The following CCDC141 variants were observed in gnomAD, a reference collection of about 807,000 sequenced individuals.
The protein encoded by CCDC141 is coiled-coil domain-containing protein 141.
A neutral mutation model predicts 181.0 loss-of-function variants in CCDC141; 168 were observed. That is an observed-to-expected ratio of 0.93 (90% CI 0.82 to 1.05). The LOEUF (loss-of-function observed/expected upper bound fraction) is 1.05. CCDC141 is among the 50% of genes least tolerant of loss of function. CCDC141 has a pLI of 0.00. For missense variants in CCDC141, 1,902 were observed against 1,788.5 expected, an observed-to-expected ratio of 1.06 and a Z score of -1.14; for synonymous variants, 666 against 642.3, an observed-to-expected ratio of 1.04 and a Z score of -0.56.
At chr2:179,027,199 C>T (rs558476342) in intron 2 of CCDC141, among the ~76,000 whole-genome samples, 1 of 151,996 alleles carries the variant, frequency 6.6e-6, no homozygotes, top group Non-Finnish European at 1.5e-5. Flanking sequence ...TTGCTGTGTC[C>T]CCACCCAAAT....
chr2:178,883,626 C>T (rs1311279755), intron 11 of CCDC141, among the ~76,000 whole-genome samples: 1 of 152,046 alleles, frequency 6.6e-6, no homozygotes, highest in African/African-American at 2.4e-5. Context: ...TGGAAAAAAT[C>T]AAGCACATAC....
Position 178,871,514 on chromosome 2 carries a change from C to T in CCDC141, c.2118G>A (p.Met706Ile). The part of the protein sequence containing the change: ...HNLKLLQEAL[M>I]PVSALDLGGS... The stretch of plus-strand genomic sequence containing the variant: ...CTCCGAGGTCAAGTGCAGACACAGG[C>T]ATAAGTGCTTCCTGAAGAAGTTTTA... Residue 706 changes from methionine (M) to isoleucine (I), a missense_variant, in exon 14 of 24, where the codon ATG becomes ATA. Coordinates refer to ENST00000443758, the MANE Select transcript of CCDC141 (RefSeq NM_173648.4). 6.2e-7 allele frequency: 1 copy of T among 1,613,906 alleles called. No individual in the cohort carries two copies. Among genetic ancestry groups the T allele is most frequent in the South Asian group, 1.1e-5 (1 of 91,034 alleles).
chr2:179,038,674 T>C (rs960384808), intron 2 of CCDC141, among the ~76,000 whole-genome samples: 1 of 152,192 alleles, frequency 6.6e-6, no homozygotes, highest in Non-Finnish European at 1.5e-5. Flanking sequence ...TACATTCATT[T>C]CTAGCACAGA....
At chr2:178,887,331 C>T (rs528019575) in intron 9 of CCDC141, among the ~76,000 whole-genome samples, 33 of 152,228 alleles carry the variant, frequency 2.2e-4, no homozygotes, top group East Asian at 7.7e-4. Context: ...AAACCCTGGA[C>T]GTGTTATAGT....
intron 8 of CCDC141, among the ~76,000 whole-genome samples, chr2:178,894,568 GA>G (rs1361735891): frequency 6.6e-6 from 1 of 151,024 alleles, no homozygotes; most frequent in Non-Finnish European, 1.5e-5. Context: ...CAAAAAGTCA[GA>G]AATAAAACAA....
At chr2:179,016,411 G>A (rs1021498048) in intron 2 of CCDC141, among the ~76,000 whole-genome samples, 1 of 151,990 alleles carries the variant, frequency 6.6e-6, no homozygotes, top group African/African-American at 2.4e-5. Context: ...TATATTTAGA[G>A]GCAAGATGAG....
At chr2:178,977,253 C>G (rs1425506150) in intron 3 of CCDC141, among the ~76,000 whole-genome samples, 2 of 152,108 alleles carry the variant, frequency 1.3e-5, no homozygotes, top group South Asian at 2.1e-4. Flanking sequence ...ATTTACTCAT[C>G]ATGGAGAAAA....
chr2:179,030,987 T>C (rs2154386869), intron 2 of CCDC141, among the ~76,000 whole-genome samples: 1 of 152,246 alleles, frequency 6.6e-6, no homozygotes, highest in East Asian at 1.9e-4. Context: ...GTCTTCTTTA[T>C]TCTCTAAATC....
intron 2 of CCDC141, among the ~76,000 whole-genome samples, chr2:179,027,798 A>G (rs2042895487): frequency 6.6e-6 from 1 of 151,880 alleles, no homozygotes. Context: ...CAGTAAGTCC[A>G]TTAAACCTCT....
chr2:178,863,907 T>C (rs566998586), intron 17 of CCDC141, among the ~76,000 whole-genome samples: 2 of 152,286 alleles, frequency 1.3e-5, no homozygotes, highest in African/African-American at 4.8e-5. Flanking sequence ...GTACAGACAA[T>C]CCTGGGGCGT....
In CCDC141 at chr2:178,845,742, G is replaced by A. The variant is rs1332359909; in HGVS notation, c.3358C>T (p.Gln1120Ter). Reference sequence around the variant, plus strand: ...GGATTCATCTTTAAAACATCTCCCTGCTGTACAAAGCAACAGTTAGTGAGA... The same window carrying A: ...GGATTCATCTTTAAAACATCTCCCTACTGTACAAAGCAACAGTTAGTGAGA... ...SLTELEEKLKQGDVLKMNPNL... is the reference protein window; with the variant it reads ...SLTELEEKLK Residue 1120 changes from glutamine (Q) to a stop codon, truncating the protein, a stop_gained and splice_region_variant, in exon 22 of 24, where the codon CAG becomes TAG. Transcript: ENST00000443758. LOFTEE classifies it high-confidence loss of function. 6.4e-7 allele frequency: 1 copy of A among 1,557,708 alleles called. No individual in the cohort carries two copies. Among genetic ancestry groups the A allele is most frequent in the Admixed American group, 1.7e-5 (1 of 59,912 alleles).
At chr2:178,922,569 G>T (rs1187752018) in intron 6 of CCDC141, among the ~76,000 whole-genome samples, 4 of 152,140 alleles carry the variant, frequency 2.6e-5, no homozygotes, top group Non-Finnish European at 5.9e-5. Context: ...AAATCAGAAG[G>T]CTCGCTATTT....
At position 178,896,432 on chromosome 2, in the gene CCDC141, G is replaced by C. The variant is rs144416583; in HGVS notation, c.1266-7764C>G. On this transcript the variant is annotated intron_variant, in intron 8 of 23. Transcript: ENST00000443758. ...TTTGGGGTCAGTTTTATATGGCTTT[G>C]ATTGTCCCTGAGGCCTGGTGCTGGT... Among the ~76,000 whole-genome samples, 194 of 152,232 alleles carry C rather than the reference G, an allele frequency of 1.3e-3. 2 individuals carry two copies. The highest frequency in any genetic ancestry group is 4.4e-3 in the African/African-American group (183 of 41,530).
chr2:178,933,058 T>C (rs1271917716), intron 6 of CCDC141, among the ~76,000 whole-genome samples: 1 of 152,166 alleles, frequency 6.6e-6, no homozygotes, highest in Non-Finnish European at 1.5e-5. Context: ...ATGAAATCAC[T>C]CAGTAACAAC....
intron 6 of CCDC141, among the ~76,000 whole-genome samples, chr2:178,942,180 TCC>T (rs1689551905): frequency 6.6e-6 from 1 of 152,024 alleles, no homozygotes; most frequent in African/African-American, 2.4e-5. Context: ...GTCTGGAACC[TCC>T]CAGGCTCAAA....
In CCDC141 at chr2:178,978,583, G is replaced by T. The variant is rs1183612820; in HGVS notation, c.318C>A (p.Ala106=). 2 of 1,549,784 alleles carry T rather than the reference G, an allele frequency of 1.3e-6. No homozygotes were observed. Among genetic ancestry groups the T allele is most frequent in the Admixed American group, 2.0e-5 (1 of 50,940 alleles). Residue 106 remains alanine, a synonymous_variant, in exon 3 of 24, where the codon GCC becomes GCA. Transcript: ENST00000443758. ...CTGCCCATGCTTCACCCAGAGTCTCGGCCATGGCATCATAGACCTGACTCT... is the reference window on the plus strand; with the variant it reads ...CTGCCCATGCTTCACCCAGAGTCTCTGCCATGGCATCATAGACCTGACTCT... ...KDQSQVYDAM[A]ETLGEAWAAL...
chr2:178,986,839 C>G (rs868257945), intron 2 of CCDC141, among the ~76,000 whole-genome samples: 2 of 150,874 alleles, frequency 1.3e-5, no homozygotes, highest in Admixed American at 6.6e-5. Context: ...AATGGAAGAA[C>G]ATTCCATGCT....
intron 21 of CCDC141, among the ~76,000 whole-genome samples, chr2:178,846,439 A>C (rs540014193): frequency 2.3e-4 from 35 of 152,346 alleles, no homozygotes; most frequent in Admixed American, 1.0e-3. Context: ...GCAATGGAAG[A>C]GTCTCTATTC....
intron 1 of CCDC141, among the ~76,000 whole-genome samples, chr2:179,048,452 A>G (rs1035504541): frequency 3.5e-4 from 53 of 152,276 alleles, no homozygotes; most frequent in Admixed American, 3.1e-3. Context: ...TGTAATTTCC[A>G]GTGTAATTTT....
Sources: allele counts gnomAD v4.1 joint callset (sites outside exome capture counted in the v4.1 genomes callset), GRCh38; gene constraint gnomAD v4.1.1; transcripts MANE v1.5; gene names NCBI Gene and HGNC (gene_info 2026-07-23, HGNC 2026-07-21).